The following ACLY variants were observed in gnomAD, a reference collection of about 807,000 sequenced individuals.
ACLY encodes the protein ATP citrate lyase.
ACLY carries 41 observed loss-of-function variants against 133.0 expected under a neutral mutation model. That is an observed-to-expected ratio of 0.31 (90% CI 0.24 to 0.40). ACLY has a LOEUF of 0.40. Among genes scored for constraint, ACLY ranks in the 10% least tolerant of loss-of-function variants. ACLY has a pLI of 1.00. For missense variants in ACLY, 1,046 were observed against 1,453.8 expected (o/e 0.72, Z 4.56); for synonymous variants, 495 against 549.3 (o/e 0.90, Z 1.38).
intron 13 of ACLY, 59 bp from the exon 14 acceptor site, chr17:41,896,708 G>A (rs1021345611): frequency 2.5e-5 from 36 of 1,467,040 alleles, no homozygotes; most frequent in East Asian, 1.7e-4. Flanking sequence ...AGGCTTTGGA[G>A]GGAGAGGGTG....
rs35203873 is a variant in ACLY at position 41,877,443 on chromosome 17, C to CTT, written c.2487+658_2487+659dup. ...CAGGCATGAGCCACCAGGCCCAGCC[C>CTT]TTTTTTTTTTTTTTTTTTTAAATTA... On this transcript the variant is annotated intron_variant, in intron 22 of 28. Coordinates refer to ENST00000352035, the MANE Select transcript of ACLY (RefSeq NM_001096.3). Among the ~76,000 whole-genome samples, 131 of 135,248 alleles carry CTT rather than the reference C, an allele frequency of 9.7e-4. 1 individual carries two copies. The highest frequency in any genetic ancestry group is 2.7e-3 in the African/African-American group (100 of 36,802). The allele number at this position is 135,248 out of a possible 152,430, so 88.7% of individuals were successfully genotyped here. A position where few individuals can be genotyped will look rare whatever the true frequency, so the allele number is the denominator to read the frequency against.
At position 41,878,198 on chromosome 17, in the gene ACLY, TG is replaced by T; in HGVS notation, c.2394-3del. 6.4e-7 allele frequency: 1 copy of T among 1,561,504 alleles called. No homozygotes were observed. Among genetic ancestry groups the T allele is most frequent in the Admixed American group, 2.0e-5 (1 of 49,684 alleles). Reference sequence around the variant, plus strand: ...GCCACGAGATCTTCGTATACAGACCTGGGAGGCAGGAAAAAAAAGACATCCA... The same window carrying T: ...GCCACGAGATCTTCGTATACAGACCTGGAGGCAGGAAAAAAAAGACATCCA... On this transcript the variant is annotated splice_polypyrimidine_tract_variant and splice_region_variant and intron_variant, in intron 21 of 28. Transcript: ENST00000352035.
At chr17:41,914,646 C>T (rs1358778993) in intron 1 of ACLY, among the ~76,000 whole-genome samples, 4 of 152,184 alleles carry the variant, frequency 2.6e-5, no homozygotes, top group African/African-American at 4.8e-5. Context: ...CGCCCCACTG[C>T]GTCATCCAGC....
At chr17:41,880,754 T>G (rs1555627169) in intron 20 of ACLY, among the ~76,000 whole-genome samples, 1 of 151,464 alleles carries the variant, frequency 6.6e-6, no homozygotes, top group African/African-American at 2.4e-5. Context: ...TAATCCCAAC[T>G]ACTTGGGAGG....
upstream of ACLY, among the ~76,000 whole-genome samples, chr17:41,921,259 T>C (rs1264229166): frequency 2.0e-5 from 3 of 151,766 alleles, no homozygotes; most frequent in African/African-American, 7.3e-5. Context: ...GATCGTGCCA[T>C]TGCACTCCAG....
At chr17:41,915,977 C>A (rs1311112896) in intron 1 of ACLY, among the ~76,000 whole-genome samples, 4 of 152,128 alleles carry the variant, frequency 2.6e-5, no homozygotes, top group Non-Finnish European at 5.9e-5. Context: ...GTAAAACAGT[C>A]CCCTGAACCT....
chr17:41,892,260 C>A lies in ACLY; in HGVS notation c.1770+19G>T. 1 of 386,736 alleles carries A rather than the reference C, an allele frequency of 2.6e-6. No homozygotes were observed. Among genetic ancestry groups the A allele is most frequent in the South Asian group, 3.4e-5 (1 of 29,828 alleles). The allele number at this position is 386,736 out of a possible 1,614,324, so 24.0% of individuals were successfully genotyped here. On this transcript the variant is annotated intron_variant, in intron 16 of 28. Transcript: ENST00000352035. ...GTTCATGGTCCCCACCCCCCACCCT[C>A]CAGAGCCCAGTGATCTACCTGGGCA...
At chr17:41,881,401 C>T (rs902086689) in intron 20 of ACLY, among the ~76,000 whole-genome samples, 1 of 116,138 alleles carries the variant, frequency 8.6e-6, no homozygotes, top group African/African-American at 3.5e-5. Flanking sequence ...CCAGCCTAGG[C>T]GAGAGACTCC....
At chr17:41,887,417 A>G (rs1312012962) in intron 17 of ACLY, among the ~76,000 whole-genome samples, 182 bp downstream of exon 17, 1 of 152,018 alleles carries the variant, frequency 6.6e-6, no homozygotes, top group African/African-American at 2.4e-5. Context: ...CAGCCTAGGC[A>G]TTGCAGTGAG....
intron 14 of ACLY, among the ~76,000 whole-genome samples, chr17:41,894,564 AAAC>A (rs1277673302): frequency 1.3e-5 from 2 of 151,864 alleles, no homozygotes; most frequent in Non-Finnish European, 2.9e-5. Context: ...TCAAAAAAAA[AAAC>A]AACAAAGAAA....
chr17:41,893,038 A>G lies in ACLY; in HGVS notation c.1596T>C (p.Pro532=). 6.2e-7 allele frequency: 1 copy of G among 1,612,736 alleles called. No individual in the cohort carries two copies. The highest frequency in any genetic ancestry group is 8.5e-7 in the Non-Finnish European group (1 of 1,179,278). The change falls in exon 15 of 29, where the codon CCT becomes CCC. Residue 532 remains proline (P), a synonymous_variant. Transcript: ENST00000352035. The part of the protein sequence containing the change: ...DEPSVAAMVY[P]FTGDHKQKFY... ...CCCGCCATGGGGTAACTCACGTGAA[A>G]GGGTAGACCATGGCAGCCACTGAGG...
chr17:41,875,380 C>T lies in ACLY; in HGVS notation c.2488-1415G>A, dbSNP rs1284256333. Among the ~76,000 whole-genome samples the T allele has an allele frequency of 1.3e-5, 2 of 149,896 alleles. 1 individual carries two copies. The highest frequency in any genetic ancestry group is 4.9e-5 in the African/African-American group (2 of 40,558). On this transcript the variant is annotated intron_variant, in intron 22 of 28. Coordinates refer to ENST00000352035, the MANE Select transcript of ACLY (RefSeq NM_001096.3). ...AAAAAAAAAAAGGGGGGACGAGATA[C>T]GTGGCTAAAGAAATGGGGGAGCCCC...
chr17:41,899,819 G>T (rs1319068995), intron 11 of ACLY, among the ~76,000 whole-genome samples: 1 of 150,790 alleles, frequency 6.6e-6, no homozygotes, highest in Admixed American at 6.6e-5. Flanking sequence ...CTAGGCAGGT[G>T]GATCGCTTGA....
chr17:41,875,567 G>A (rs1409196141), intron 22 of ACLY, among the ~76,000 whole-genome samples: 4 of 152,192 alleles, frequency 2.6e-5, no homozygotes, highest in East Asian at 1.9e-4. Flanking sequence ...TCAGCCTGCC[G>A]AGTGCCTGCG....
Position 41,886,122 on chromosome 17 carries a change from C to G in ACLY, c.2062G>C (p.Gly688Arg). 1 of 1,613,172 alleles carries G rather than the reference C, an allele frequency of 6.2e-7. No individual in the cohort carries two copies. Among genetic ancestry groups the G allele is most frequent in the Non-Finnish European group, 8.5e-7 (1 of 1,179,330 alleles). Residue 688 changes from glycine (G) to arginine (R), a missense_variant, in exon 18 of 29, where the codon GGT (glycine) becomes CGT (arginine). Transcript: ENST00000352035. ...TDGVYEGVAI[G>R]GDRYPGSTFM... ...TTCCCAGCTGATTACCTGTCCCCAC[C>G]AATGGCCACGCCCTCATAGACGCCA...
At chr17:41,888,198 C>A (rs782054157) in intron 16 of ACLY, among the ~76,000 whole-genome samples, 1 of 152,102 alleles carries the variant, frequency 6.6e-6, no homozygotes, top group Admixed American at 6.5e-5. Context: ...GGCCTCTGCT[C>A]GTAATCACTC....
At chr17:41,868,888 C>G in intron 27 of ACLY, 103 bp from the exon 28 acceptor site, 2 of 1,393,414 alleles carry the variant, frequency 1.4e-6, no homozygotes, top group Middle Eastern at 1.8e-4. Flanking sequence ...AAGGGGTGCT[C>G]TGGGTGGTAG....
chr17:41,929,725 A>G (rs573903194), intron 1 of ACLY, among the ~76,000 whole-genome samples: 24 of 152,340 alleles, frequency 1.6e-4, no homozygotes, highest in African/African-American at 5.5e-4. Flanking sequence ...AATAAATACA[A>G]AAGAGATCCC....
intron 23 of ACLY, among the ~76,000 whole-genome samples, chr17:41,873,215 T>C (rs2048644021): frequency 6.6e-6 from 1 of 151,826 alleles, no homozygotes. Flanking sequence ...TTTTTGCTCT[T>C]GTTGCTCAGG....
Sources: gnomAD v4.1 joint callset for allele counts (sites outside exome capture counted in the v4.1 genomes callset) on GRCh38, gnomAD v4.1.1 for gene constraint, MANE v1.5 for transcripts, NCBI Gene and HGNC (gene_info 2026-07-23, HGNC 2026-07-21) for gene names.